The following GSE1 variants were observed in gnomAD, a reference collection of about 807,000 sequenced individuals.
The protein encoded by GSE1 is Gse1 coiled-coil protein, also known as genetic suppressor element 1.
In GSE1, 32 loss-of-function variants were observed where a neutral mutation model predicts 112.6. The ratio of observed to expected loss-of-function variants is 0.28; its 90% confidence interval spans 0.21 to 0.38. The LOEUF is 0.38. GSE1 is among the 10% of genes least tolerant of loss of function. GSE1 has a pLI of 1.00. For missense variants in GSE1, 2,348 were observed against 1,699.2 expected, an observed-to-expected ratio of 1.38 and a Z score of -6.71; for synonymous variants, 1,115 against 735.6, an observed-to-expected ratio of 1.52 and a Z score of -8.35.
intron 1 of GSE1, among the ~76,000 whole-genome samples, chr16:85,585,696 C>T (rs1374081368): frequency 6.6e-6 from 1 of 152,240 alleles, no homozygotes. Flanking sequence ...TGGGCAAGTG[C>T]CGTCCCTTCT....
At chr16:85,309,866 A>AC (rs2045786753) in intron 1 of GSE1, among the ~76,000 whole-genome samples, 1 of 152,218 alleles carries the variant, frequency 6.6e-6, no homozygotes, top group Non-Finnish European at 1.5e-5. Context: ...TGATGTGGTT[A>AC]CAGCTGGCGA....
chr16:85,401,040 C>T (rs766738067), intron 2 of GSE1, among the ~76,000 whole-genome samples: 19 of 152,152 alleles, frequency 1.2e-4, no homozygotes, highest in Admixed American at 1.0e-3. Context: ...ACCCCACCCA[C>T]GAAGACCTCC....
At chr16:85,383,218 A>C (rs960740047) in intron 2 of GSE1, among the ~76,000 whole-genome samples, 23 of 151,854 alleles carry the variant, frequency 1.5e-4, no homozygotes, top group African/African-American at 5.3e-4. Flanking sequence ...CCCTCTGTAC[A>C]TAAACACACA....
intron 1 of GSE1, among the ~76,000 whole-genome samples, chr16:85,209,389 G>A (rs1274519668): frequency 6.6e-6 from 1 of 152,090 alleles, no homozygotes; most frequent in African/African-American, 2.4e-5. Context: ...TGGCTCCCGT[G>A]CCCCCGCCCC....
intron 2 of GSE1, among the ~76,000 whole-genome samples, chr16:85,513,775 A>G (rs2051824865): frequency 6.6e-6 from 1 of 152,028 alleles, no homozygotes; most frequent in African/African-American, 2.4e-5. Context: ...CTGCTCTTGG[A>G]GCCCCCCACC....
At chr16:85,536,270 G>T (rs1002593029) in intron 2 of GSE1, among the ~76,000 whole-genome samples, 2 of 152,238 alleles carry the variant, frequency 1.3e-5, no homozygotes, top group Non-Finnish European at 2.9e-5. Flanking sequence ...GTGGTGCTCA[G>T]GAGGTGTCGA....
At chr16:85,291,681 C>T (rs528429490) in intron 1 of GSE1, among the ~76,000 whole-genome samples, 3 of 152,260 alleles carry the variant, frequency 2.0e-5, no homozygotes, top group South Asian at 2.1e-4. Flanking sequence ...CCCCTGACCC[C>T]GGGGAGACCC....
intron 10 of GSE1, 120 bp downstream of exon 10, chr16:85,663,213 T>G (rs2052575334): frequency 1.5e-6 from 2 of 1,300,132 alleles, no homozygotes; most frequent in Admixed American, 1.8e-5. Flanking sequence ...GTTCGCCCCA[T>G]GAAGCTCTTC....
At chr16:85,356,975 C>T (rs776910847) in intron 1 of GSE1, among the ~76,000 whole-genome samples, 1 of 152,298 alleles carries the variant, frequency 6.6e-6, no homozygotes, top group South Asian at 2.1e-4. Context: ...TTGCAGGGTG[C>T]GGCTGAGATG....
intron 2 of GSE1, among the ~76,000 whole-genome samples, chr16:85,537,963 G>A (rs1024166962): frequency 1.3e-5 from 2 of 152,140 alleles, no homozygotes; most frequent in Non-Finnish European, 1.5e-5. Flanking sequence ...AGGGGTGGAC[G>A]GAAAGGCAGC....
chr16:85,233,506 G>A (rs1280500284), intron 1 of GSE1, among the ~76,000 whole-genome samples: 7 of 152,198 alleles, frequency 4.6e-5, no homozygotes, highest in African/African-American at 1.7e-4. Context: ...GCACACATGT[G>A]CCTGTGTGTT....
intron 1 of GSE1, among the ~76,000 whole-genome samples, chr16:85,341,891 C>A (rs781525937): frequency 6.6e-5 from 10 of 152,238 alleles, no homozygotes; most frequent in Admixed American, 3.3e-4. Flanking sequence ...TGGATCCTAG[C>A]CTTGCCTGCT....
chr16:85,400,755 G>C (rs117501865), intron 2 of GSE1, among the ~76,000 whole-genome samples: 2 of 150,724 alleles, frequency 1.3e-5, no homozygotes, highest in Non-Finnish European at 3.0e-5. Flanking sequence ...GGTTGTGCAC[G>C]TGTGTCTCTG....
At chr16:85,659,098 C>T (rs1037809194) in intron 8 of GSE1, among the ~76,000 whole-genome samples, 2 of 152,232 alleles carry the variant, frequency 1.3e-5, no homozygotes, top group African/African-American at 2.4e-5. Flanking sequence ...TTGCTGTTTA[C>T]TTAAGGACAC....
chr16:85,542,459 C>G (rs1322068183), intron 2 of GSE1, among the ~76,000 whole-genome samples: 2 of 152,250 alleles, frequency 1.3e-5, no homozygotes, highest in Non-Finnish European at 2.9e-5. Flanking sequence ...TCCTCTCCCA[C>G]ACCCATAAGC....
At position 85,661,173 on chromosome 16, in the gene GSE1, T is replaced by C; in HGVS notation, c.1668T>C (p.Gly556=). ...CAGGACCAAACCGTCACGAGCCAGG[T>C]GGCCGTGACCCTCCGCAGCACTTTG... The part of the protein sequence containing the change: ...TRPGPNRHEP[G]GRDPPQHFGG... Residue 556 remains glycine (G), a synonymous_variant, in exon 9 of 16, where the codon GGT becomes GGC. Transcript: ENST00000253458. 1.3e-6 allele frequency: 2 copies of C among 1,593,556 alleles called. No individual in the cohort carries two copies. The highest frequency in any genetic ancestry group is 3.4e-5 in the Admixed American group (2 of 59,314).
chr16:85,616,487 C>T (rs977644385), intron 1 of GSE1, among the ~76,000 whole-genome samples: 3 of 152,176 alleles, frequency 2.0e-5, no homozygotes, highest in African/African-American at 4.8e-5. Context: ...ACCCTGGGAT[C>T]GGGCCAGGGT....
intron 2 of GSE1, among the ~76,000 whole-genome samples, chr16:85,459,370 T>C (rs942374125): frequency 4.6e-5 from 7 of 152,210 alleles, no homozygotes; most frequent in African/African-American, 1.7e-4. Context: ...CAGCTGGTTG[T>C]TGAAGAGTAG....
intron 2 of GSE1, among the ~76,000 whole-genome samples, chr16:85,478,859 CTTTCTTTCTTTCTTTCT>C (rs2050553441): frequency 4.5e-5 from 1 of 22,236 alleles, no homozygotes; most frequent in Non-Finnish European, 7.4e-5. Flanking sequence ...TTCTTTCTTT[CTTTCTTTCTTTCTTTCT>C]TTCTTTCTTT....
Sources: allele counts gnomAD v4.1 joint callset (sites outside exome capture counted in the v4.1 genomes callset), GRCh38; gene constraint gnomAD v4.1.1; transcripts MANE v1.5; gene names NCBI Gene and HGNC (gene_info 2026-07-23, HGNC 2026-07-21).